Variants in EYS observed in about 807,000 individuals in gnomAD.
EYS encodes the protein protein eyes shut homolog.
Under a neutral mutation model 282.1 loss-of-function variants are expected in EYS, and 250 were observed. That is an observed-to-expected ratio of 0.89 (90% CI 0.80 to 0.98). EYS has a LOEUF of 0.98. Ranked by LOEUF, EYS falls within the 50% of genes least tolerant of loss-of-function variation. The pLI, the probability that EYS is intolerant of heterozygous loss-of-function variation, is 0.00. For missense variants in EYS, 4,016 were observed against 3,709.0 expected (o/e 1.08, Z -2.15); for synonymous variants, 1,355 against 1,282.9 (o/e 1.06, Z -1.20).
In EYS at chr6:65,353,542, A is replaced by G. The variant is rs1159858119; in HGVS notation, c.1375T>C (p.Cys459Arg). The change falls in exon 9 of 43, where the codon TGC becomes CGC. Residue 459 changes from cysteine to arginine, a missense_variant. Physicochemically the swap from Cys to Arg is radical, Grantham distance 180. Transcript: ENST00000503581. The part of the protein sequence containing the change: ...KNVYLIHQHL[C>R]YCGVTFHGIC... ...CCATGGAAGGTGACTCCACAGTAGC[A>G]GAGGTGTTGATGAATTAGGTAAACA... 1.2e-6 allele frequency: 2 copies of G among 1,613,248 alleles called. No homozygotes were observed. Among genetic ancestry groups the G allele is most frequent in the Admixed American group, 3.3e-5 (2 of 59,972 alleles).
intron 29 of EYS, among the ~76,000 whole-genome samples, chr6:64,332,552 T>C (rs1459354529): frequency 1.3e-5 from 2 of 152,152 alleles, no homozygotes; most frequent in Non-Finnish European, 1.5e-5. Context: ...GGGTTCATCA[T>C]AGCCAGCTAA....
At chr6:65,320,295 C>T (rs1286725143) in intron 11 of EYS, among the ~76,000 whole-genome samples, 1 of 151,886 alleles carries the variant, frequency 6.6e-6, no homozygotes, top group Non-Finnish European at 1.5e-5. Context: ...GCACATGTAG[C>T]CTGATAAGGG....
rs892178978 is a variant in EYS, at chr6:65,601,434, T to TC, written c.-333+38343dup. Among the ~76,000 whole-genome samples, 4 of 151,914 alleles carry TC rather than the reference T, an allele frequency of 2.6e-5. No homozygotes were observed. The South Asian group carries it at 8.3e-4, about 32-fold the overall frequency. On this transcript the variant is annotated intron_variant, in intron 2 of 42. Coordinates refer to ENST00000503581, the MANE Select transcript of EYS (RefSeq NM_001142800.2). ...GGCTACAGTCAATTATGCTTTTTTT[T>TC]CCCCCACAGAGATACCAGCACCAAT...
intron 12 of EYS, among the ~76,000 whole-genome samples, chr6:65,079,351 T>G (rs2150170627): frequency 6.6e-6 from 1 of 152,180 alleles, no homozygotes; most frequent in Non-Finnish European, 1.5e-5. Context: ...ATTTAAAAAC[T>G]AATTCATTTG....
intron 5 of EYS, among the ~76,000 whole-genome samples, chr6:65,466,128 G>A (rs995747241): frequency 6.6e-6 from 1 of 152,012 alleles, no homozygotes; most frequent in African/African-American, 2.4e-5. Context: ...AGTGTAACAA[G>A]TTTTAATAAT....
At chr6:65,028,890 G>A (rs1406402291) in intron 13 of EYS, among the ~76,000 whole-genome samples, 1 of 151,960 alleles carries the variant, frequency 6.6e-6, no homozygotes, top group African/African-American at 2.4e-5. Context: ...TTGATTTTCT[G>A]CTATAAGGAA....
intron 12 of EYS, among the ~76,000 whole-genome samples, chr6:65,221,841 T>G (rs979188034): frequency 3.3e-5 from 5 of 152,176 alleles, no homozygotes; most frequent in African/African-American, 9.6e-5. Flanking sequence ...GAGGCAGAGC[T>G]GCCTGAGGCC....
intron 35 of EYS, among the ~76,000 whole-genome samples, chr6:63,904,873 C>T (rs1272421964): frequency 2.6e-5 from 4 of 152,186 alleles, no homozygotes; most frequent in African/African-American, 9.7e-5. Context: ...ATTAGAAAGG[C>T]CTCTTTTGCA....
rs575741331 is a variant in EYS at position 65,109,655 on chromosome 6, C to T, written c.2024-51928G>A. ...CTTACTTCACTTTTACAACTCCTTA[C>T]ATAAAAAAAAAAAAAACACCTTTTT... On this transcript the variant is annotated intron_variant, in intron 12 of 42. Coordinates refer to ENST00000503581, the MANE Select transcript of EYS (RefSeq NM_001142800.2). 3.7e-3 allele frequency among the ~76,000 whole-genome samples: 403 copies of T among 108,650 alleles called. 1 individual carries two copies. Among genetic ancestry groups the T allele is most frequent in the African/African-American group, 0.013 (382 of 30,170 alleles). The allele number at this position is 108,650 out of a possible 152,430, so 71.3% of individuals were successfully genotyped here.
rs555637195 is a variant in EYS, at chr6:64,418,589, GGA to G, written c.5927+17583_5927+17584del. ...CCTTGGCACTGTCATAAAATCACAGGGAGAGAGAAGGAAACTCTCATTGACTG... is the reference window on the plus strand; with the variant it reads ...CCTTGGCACTGTCATAAAATCACAGGGAGAGAAGGAAACTCTCATTGACTG... On this transcript the variant is annotated intron_variant, in intron 28 of 42. Coordinates refer to ENST00000503581, the MANE Select transcript of EYS (RefSeq NM_001142800.2). Among the ~76,000 whole-genome samples, 32 of 152,192 alleles carry G rather than the reference GGA, an allele frequency of 2.1e-4. No individual in the cohort carries two copies. The South Asian group carries it at 6.6e-3, about 32-fold the overall frequency.
chr6:64,766,259 TTCTCC>T (rs1431311865), intron 22 of EYS, among the ~76,000 whole-genome samples: 3 of 151,808 alleles, frequency 2.0e-5, no homozygotes, highest in African/African-American at 7.2e-5. Flanking sequence ...TGATCTGCCC[TTCTCC>T]TCTCCTCTCC....
At chr6:65,194,129 T>A (rs1765708659) in intron 12 of EYS, among the ~76,000 whole-genome samples, 1 of 151,996 alleles carries the variant, frequency 6.6e-6, no homozygotes, top group Non-Finnish European at 1.5e-5. Context: ...AAATTCCTGT[T>A]GCAGTATGGT....
chr6:65,511,011 T>C (rs1766848735), intron 2 of EYS, among the ~76,000 whole-genome samples: 1 of 152,196 alleles, frequency 6.6e-6, no homozygotes, highest in Non-Finnish European at 1.5e-5. Context: ...GAAGAATTTG[T>C]GAATAGGAAT....
At chr6:65,378,737 AC>A (rs780757242) in intron 8 of EYS, among the ~76,000 whole-genome samples, 62 of 152,152 alleles carry the variant, frequency 4.1e-4, no homozygotes, top group Non-Finnish European at 7.3e-4. Context: ...CTTTGCAGGG[AC>A]ATGGATGAAG....
intron 26 of EYS, among the ~76,000 whole-genome samples, chr6:64,553,094 C>T (rs1213199894): frequency 6.6e-6 from 1 of 152,078 alleles, no homozygotes; most frequent in African/African-American, 2.4e-5. Flanking sequence ...TAAAACCAAG[C>T]TGTAGCCCAA....
intron 37 of EYS, among the ~76,000 whole-genome samples, chr6:63,794,962 G>T (rs1168666355): frequency 6.6e-6 from 1 of 152,186 alleles, no homozygotes; most frequent in African/African-American, 2.4e-5. Context: ...AGATTATGTT[G>T]TGCAAGTAGT....
At chr6:64,951,131 C>T (rs1769492519) in intron 14 of EYS, among the ~76,000 whole-genome samples, 1 of 151,720 alleles carries the variant, frequency 6.6e-6, no homozygotes, top group African/African-American at 2.4e-5. Flanking sequence ...TATAGAGGCA[C>T]TTGTTCCCTT....
At chr6:64,066,617 T>C (rs1771381992) in intron 32 of EYS, 126 bp from the exon 33 acceptor site, 1 of 657,216 alleles carries the variant, frequency 1.5e-6, no homozygotes. Flanking sequence ...TGCTATTAGA[T>C]AATTATTCAG....
intron 22 of EYS, among the ~76,000 whole-genome samples, chr6:64,797,158 CAG>C (rs1265075054): frequency 1.3e-5 from 2 of 152,020 alleles, no homozygotes; most frequent in African/African-American, 4.8e-5. Context: ...ATATGCTATG[CAG>C]AGTTTGGCAG....
Sources: allele counts gnomAD v4.1 joint callset (sites outside exome capture counted in the v4.1 genomes callset), GRCh38; gene constraint gnomAD v4.1.1; transcripts MANE v1.5; gene names NCBI Gene and HGNC (gene_info 2026-07-23, HGNC 2026-07-21).